Variants in PBRM1 observed in about 807,000 individuals in gnomAD.
PBRM1 encodes protein polybromo-1.
A neutral mutation model predicts 194.5 loss-of-function variants in PBRM1; 27 were observed. The observed-to-expected ratio is 0.14, with a 90% CI of 0.10 to 0.19. PBRM1 has a LOEUF of 0.19. Among genes scored for constraint, PBRM1 ranks in the 10% least tolerant of loss-of-function variants. The probability of loss-of-function intolerance (pLI) is 1.00; values close to 1 mark genes in which losing one functional copy is unlikely to be tolerated. For synonymous variants in PBRM1, 655 were observed against 693.2 expected (o/e 0.94, Z 0.87); for missense variants, 1,466 against 2,077.2 (o/e 0.71, Z 5.72).
At chr3:52,592,027 A>AT (rs759448550) in intron 17 of PBRM1, among the ~76,000 whole-genome samples, 34 of 147,488 alleles carry the variant, frequency 2.3e-4, no homozygotes, top group Non-Finnish European at 4.2e-4. Context: ...GGGTTTCACC[A>AT]TCTTGGCCAG....
rs2153658287 is a variant in PBRM1 at position 52,576,538 on chromosome 3, T to C, written c.3691+3A>G. ...GATTAAATAAAAAAGCACAAATACC[T>C]ACCGAGAATACATGTCATGGGGCAG... On this transcript the variant is annotated splice_donor_region_variant and intron_variant, in intron 22 of 29. Coordinates refer to ENST00000296302, the Ensembl canonical transcript of PBRM1. The C allele has an allele frequency of 6.3e-7, 1 of 1,586,150 alleles. No individual in the cohort carries two copies. Among genetic ancestry groups the C allele is most frequent in the Non-Finnish European group, 8.5e-7 (1 of 1,170,902 alleles).
chr3:52,646,163 C>T (rs546030669), intron 7 of PBRM1, among the ~76,000 whole-genome samples: 1 of 152,220 alleles, frequency 6.6e-6, no homozygotes, highest in East Asian at 1.9e-4. Flanking sequence ...AATACAAGGA[C>T]TTCATAGTTC....
chr3:52,643,421 C>A, intron 8 of PBRM1, 78 bp from the exon 10 acceptor site: 1 of 861,024 alleles, frequency 1.2e-6, no homozygotes, highest in Non-Finnish European at 2.0e-6. Context: ...ACACACACAA[C>A]CATTTTCTTC....
chr3:52,658,145 G>C, intron 5 of PBRM1, 54 bp downstream of exon 6: 2 of 835,756 alleles, frequency 2.4e-6, no homozygotes, highest in Non-Finnish European at 4.2e-6. Context: ...TACAATTCTT[G>C]AAGTACTAAA....
intron 6 of PBRM1, among the ~76,000 whole-genome samples, chr3:52,649,062 TAG>T (rs1303747774): frequency 2.0e-5 from 3 of 152,052 alleles, no homozygotes; most frequent in Non-Finnish European, 4.4e-5. Context: ...AGACATGGTC[TAG>T]AGAGAGTAAG....
At chr3:52,582,441 G>A (rs1334897188) in intron 20 of PBRM1, among the ~76,000 whole-genome samples, 74 of 126,422 alleles carry the variant, frequency 5.9e-4, no homozygotes, top group African/African-American at 2.1e-3. Context: ...ACGGAGTCTC[G>A]CTCTGTTGCC....
chr3:52,679,601 TCTC>T, exon 1 of PBRM1: 2 of 1,613,792 alleles, frequency 1.2e-6, no homozygotes, highest in East Asian at 4.5e-5. Flanking sequence ...GATTGGAAAG[TCTC>T]CTCCTTTTCC....
intron 22 of PBRM1, among the ~76,000 whole-genome samples, chr3:52,568,224 C>A (rs145264331): frequency 0.033 from 5,043 of 152,234 alleles, 274 homozygotes; most frequent in African/African-American, 0.11. Flanking sequence ...GGTGATCCAC[C>A]CACCTTGGCC....
intron 19 of PBRM1, among the ~76,000 whole-genome samples, chr3:52,587,132 A>G (rs758787069): frequency 1.3e-5 from 2 of 152,190 alleles, no homozygotes; most frequent in Non-Finnish European, 2.9e-5. Flanking sequence ...TAAAAACTTA[A>G]CCTAACTGCA....
Position 52,643,348 on chromosome 3 carries a change from C to T in PBRM1, c.900-5G>A. 2.5e-6 allele frequency: 4 copies of T among 1,599,708 alleles called. No individual in the cohort carries two copies. Among genetic ancestry groups the T allele is most frequent in the Non-Finnish European group, 3.4e-6 (4 of 1,167,046 alleles). ...GCAGCCAAGTTGGATGGAGTCCTAT[C>T]CAGAGATAAGATAAAAAGCTTAGAA... On this transcript the variant is annotated splice_polypyrimidine_tract_variant and splice_region_variant and intron_variant, in intron 8 of 29. Coordinates refer to ENST00000296302, the Ensembl canonical transcript of PBRM1.
At position 52,617,613 on chromosome 3, in the gene PBRM1, TAAAAC is replaced by T. The variant is rs1483063412; in HGVS notation, c.1542-80_1542-76del. 2.7e-5 allele frequency: 28 copies of T among 1,018,726 alleles called. 2 individuals carry two copies. In the Middle Eastern group the frequency reaches 2.6e-3, roughly 94 times the overall value. The allele number at this position is 1,018,726 out of a possible 1,614,324, so 63.1% of individuals were successfully genotyped here. A position where few individuals can be genotyped will look rare whatever the true frequency, so the allele number is the denominator to read the frequency against. ...TCTTAATATACGGATGACCACAAAA[TAAAAC>T]AAATTATTTATGGTGCTTTATAATG... is the stretch of plus-strand genomic sequence containing the variant. On this transcript the variant is annotated intron_variant, in intron 13 of 29. Transcript: ENST00000296302.
At chr3:52,629,185 A>G in intron 11 of PBRM1, 150 bp from the exon 13 acceptor site, 1 of 627,076 alleles carries the variant, frequency 1.6e-6, no homozygotes, top group Non-Finnish European at 2.7e-6. Flanking sequence ...TTTGAGATAC[A>G]AAGTAAGGAG....
chr3:52,589,021 C>G (rs1191435116), intron 18 of PBRM1, 49 bp downstream of exon 20: 1 of 1,386,590 alleles, frequency 7.2e-7, no homozygotes, highest in South Asian at 1.2e-5. Context: ...AAGGAGAAGT[C>G]AAACAGTCAT....
chr3:52,668,193 A>T (rs1425926878), intron 3 of PBRM1, among the ~76,000 whole-genome samples: 3 of 152,186 alleles, frequency 2.0e-5, no homozygotes, highest in Non-Finnish European at 4.4e-5. Context: ...GCTACTCAGA[A>T]GGGTGAGGTG....
chr3:52,560,251 G>A (rs2083200464), intron 25 of PBRM1, among the ~76,000 whole-genome samples: 1 of 152,166 alleles, frequency 6.6e-6, no homozygotes, highest in African/African-American at 2.4e-5. Context: ...CAGCCATCCA[G>A]CACTGGCTCC....
At chr3:52,650,188 C>A (rs1264130675) in intron 6 of PBRM1, among the ~76,000 whole-genome samples, 1 of 151,644 alleles carries the variant, frequency 6.6e-6, no homozygotes, top group Non-Finnish European at 1.5e-5. Context: ...CATGGTGAAA[C>A]CCTGTCTCTA....
At chr3:52,663,662 A>G (rs923393426) in intron 3 of PBRM1, among the ~76,000 whole-genome samples, 1 of 152,246 alleles carries the variant, frequency 6.6e-6, no homozygotes, top group African/African-American at 2.4e-5. Flanking sequence ...AGCAAAAATG[A>G]CAGTGACAAC....
At chr3:52,636,092 C>A (rs1365305370) in intron 10 of PBRM1, among the ~76,000 whole-genome samples, 1 of 151,848 alleles carries the variant, frequency 6.6e-6, no homozygotes, top group Non-Finnish European at 1.5e-5. Context: ...AGGATGGTCT[C>A]GATCTCCTGA....
intron 13 of PBRM1, among the ~76,000 whole-genome samples, chr3:52,621,154 C>G (rs1051985399): frequency 1.3e-5 from 2 of 152,088 alleles, no homozygotes; most frequent in African/African-American, 4.8e-5. Flanking sequence ...AAAACATAAC[C>G]ATGACAGAGC....
Sources: gnomAD v4.1 joint callset for allele counts (sites outside exome capture counted in the v4.1 genomes callset) on GRCh38, gnomAD v4.1.1 for gene constraint, MANE v1.5 for transcripts, NCBI Gene and HGNC (gene_info 2026-07-23, HGNC 2026-07-21) for gene names.